The following EXOC2 variants were observed in gnomAD, a reference collection of about 807,000 sequenced individuals.
EXOC2 encodes the protein SEC5-like 1.
Under a neutral mutation model 131.8 loss-of-function variants are expected in EXOC2, and 70 were observed. The ratio of observed to expected loss-of-function variants is 0.53; its 90% confidence interval spans 0.44 to 0.65. The LOEUF (loss-of-function observed/expected upper bound fraction) is 0.65, where lower values mean the gene tolerates loss of function less well. Among genes scored for constraint, EXOC2 ranks in the 30% least tolerant of loss-of-function variants. EXOC2 has a pLI of 0.00. For missense variants in EXOC2, 923 were observed against 1,108.6 expected (o/e 0.83, Z 2.38); for synonymous variants, 411 against 398.4 (o/e 1.03, Z -0.38).
At chr6:596,278 G>A (rs1297815915) in intron 10 of EXOC2, among the ~76,000 whole-genome samples, 7 of 151,894 alleles carry the variant, frequency 4.6e-5, no homozygotes, top group Admixed American at 3.9e-4. Flanking sequence ...CCCGCCGTAC[G>A]CCTCATCACT....
chr6:629,824 A>T lies in EXOC2; in HGVS notation c.422+11T>A, dbSNP rs1761753559. 1 of 1,612,234 alleles carries T rather than the reference A, an allele frequency of 6.2e-7. No homozygotes were observed. The highest frequency in any genetic ancestry group is 8.5e-7 in the Non-Finnish European group (1 of 1,179,432). On this transcript the variant is annotated intron_variant, in intron 4 of 27. Coordinates refer to ENST00000230449, the MANE Select transcript of EXOC2 (RefSeq NM_018303.6). Reference sequence around the variant, plus strand: ...AAAAATAAAGAAGACTGAAAGCAAGATGGTACTCACTTTTCAATCTCAATG... The same window carrying T: ...AAAAATAAAGAAGACTGAAAGCAAGTTGGTACTCACTTTTCAATCTCAATG...
chr6:691,516 T>C (rs1764923014), intron 1 of EXOC2, among the ~76,000 whole-genome samples: 1 of 152,244 alleles, frequency 6.6e-6, no homozygotes, highest in Non-Finnish European at 1.5e-5. Flanking sequence ...AATACATTTG[T>C]TGTGATTTTA....
intron 21 of EXOC2, among the ~76,000 whole-genome samples, chr6:553,494 T>C (rs1027464578): frequency 2.0e-5 from 3 of 151,994 alleles, no homozygotes; most frequent in African/African-American, 7.3e-5. Context: ...AGAACTACTC[T>C]GGTTGAAGAG....
At chr6:491,428 A>G (rs573772630) in intron 25 of EXOC2, among the ~76,000 whole-genome samples, 62 of 152,372 alleles carry the variant, frequency 4.1e-4, no homozygotes, top group African/African-American at 1.4e-3. Context: ...GCAGGGAACT[A>G]GATATCTCAC....
At chr6:604,528 T>C (rs565549033) in intron 7 of EXOC2, among the ~76,000 whole-genome samples, 2 of 152,210 alleles carry the variant, frequency 1.3e-5, no homozygotes, top group Non-Finnish European at 1.5e-5. Flanking sequence ...CCTATCGTTC[T>C]GTTAAACTTC....
At position 598,095 on chromosome 6, in the gene EXOC2, T is replaced by A. The variant is rs35770122; in HGVS notation, c.999A>T (p.Glu333Asp). The A allele has an allele frequency of 1.9e-6, 3 of 1,613,338 alleles. No homozygotes were observed. The highest frequency in any genetic ancestry group is 2.2e-5 in the South Asian group (2 of 90,944). ...KYYAEVETRI[E>D]ALRELLLDKL... ...TATCCAGAAGTAATTCTCTTAAAGC[T>A]TCAATCCTTGTTTCTACTTCAGCAT... Residue 333 changes from glutamate (E) to aspartate (D), a missense_variant, in exon 10 of 28, where the codon GAA becomes GAT. Glu to Asp is a conservative substitution (Grantham distance 45). Transcript: ENST00000230449.
At chr6:525,463 G>A (rs1561815700) in intron 23 of EXOC2, 1 of 152,122 alleles carries the variant, frequency 6.6e-6, no homozygotes, top group Non-Finnish European at 1.5e-5. Flanking sequence ...TAGGACTCCT[G>A]AAAATATCAG....
chr6:508,024 C>T lies in EXOC2; in HGVS notation c.2381-8324G>A, dbSNP rs750167110. The stretch of plus-strand genomic sequence containing the variant: ...TATTGACAGGTTAGTGTATGTTCTT[C>T]CAGATCTTTTCCTATGAATATATTT... On this transcript the variant is annotated intron_variant, in intron 23 of 27. Transcript: ENST00000230449. Among the ~76,000 whole-genome samples, 32 of 152,152 alleles carry T rather than the reference C, an allele frequency of 2.1e-4. 1 individual carries two copies. Among genetic ancestry groups the T allele is most frequent in the Non-Finnish European group, 4.4e-5 (3 of 68,026 alleles).
intron 22 of EXOC2, among the ~76,000 whole-genome samples, chr6:536,978 C>T (rs1766479574): frequency 6.6e-6 from 1 of 152,118 alleles, no homozygotes; most frequent in Admixed American, 6.5e-5. Context: ...TAAAAATGAG[C>T]TGGGGTTAAA....
rs1763802320 is a variant in EXOC2 at position 497,374 on chromosome 6, G to T, written c.2552C>A (p.Ala851Asp). The T allele has an allele frequency of 1.9e-6, 3 of 1,612,980 alleles. No homozygotes were observed. The Admixed American group carries it at 5.0e-5, about 27-fold the overall frequency. Reference sequence around the variant, plus strand: ...ATTGAATGATTTTGTTACCTGTAAAGCTCCATTTTTGCTGAAGGATGAAAC... The same window carrying T: ...ATTGAATGATTTTGTTACCTGTAAATCTCCATTTTTGCTGAAGGATGAAAC... Reference protein sequence around the residue: ...QCVSSFSKNGALQARLEICAL... With the variant: ...QCVSSFSKNGDLQARLEICAL... The change falls in exon 25 of 28, where the codon GCT (alanine) becomes GAT (aspartate). Residue 851 changes from alanine to aspartate, a missense_variant. Coordinates refer to ENST00000230449, the MANE Select transcript of EXOC2 (RefSeq NM_018303.6).
intron 3 of EXOC2, 73 bp downstream of exon 3, chr6:632,868 T>A: frequency 2.1e-5 from 30 of 1,454,812 alleles, no homozygotes; most frequent in Non-Finnish European, 2.7e-5. Flanking sequence ...TACACGAATC[T>A]ACCAGCTTTA....
chr6:589,719 C>T (rs979607954), intron 11 of EXOC2, among the ~76,000 whole-genome samples: 2 of 152,190 alleles, frequency 1.3e-5, no homozygotes, highest in Non-Finnish European at 2.9e-5. Flanking sequence ...ATGAATCGCC[C>T]GGGAGCTTGA....
intron 11 of EXOC2, among the ~76,000 whole-genome samples, chr6:589,877 C>T (rs1161169909): frequency 3.9e-5 from 6 of 152,180 alleles, no homozygotes; most frequent in Admixed American, 6.5e-5. Context: ...GAGGCCGAGG[C>T]GGGTGGATCA....
At chr6:522,433 C>A (rs1438129310) in intron 23 of EXOC2, among the ~76,000 whole-genome samples, 1 of 141,618 alleles carries the variant, frequency 7.1e-6, no homozygotes, top group Non-Finnish European at 1.5e-5. Flanking sequence ...ATGATGGGGA[C>A]AGCAAGGTGT....
chr6:619,349 C>T (rs1677284866), intron 5 of EXOC2, 81 bp downstream of exon 5: 1 of 1,181,950 alleles, frequency 8.5e-7, no homozygotes, highest in African/African-American at 1.5e-5. Flanking sequence ...AGAGCCAGAC[C>T]TAAAACTCGA....
At chr6:633,544 C>T (rs1761956702) in intron 2 of EXOC2, among the ~76,000 whole-genome samples, 1 of 152,216 alleles carries the variant, frequency 6.6e-6, no homozygotes. Context: ...TACATTCACC[C>T]ATCTTCCTGA....
At chr6:603,430 C>A (rs772129992) in intron 7 of EXOC2, among the ~76,000 whole-genome samples, 1 of 152,144 alleles carries the variant, frequency 6.6e-6, no homozygotes, top group Non-Finnish European at 1.5e-5. Flanking sequence ...ATGCCTGACA[C>A]TCTGTGTGGA....
chr6:551,698 T>C (rs79929734), intron 21 of EXOC2, among the ~76,000 whole-genome samples: 2,541 of 152,308 alleles, frequency 0.017, 46 homozygotes, highest in African/African-American at 0.043. Flanking sequence ...GGCCCTCTCC[T>C]GCAGCCCTGT....
At chr6:603,575 G>C (rs1452062117) in intron 7 of EXOC2, among the ~76,000 whole-genome samples, 2 of 152,108 alleles carry the variant, frequency 1.3e-5, no homozygotes, top group Non-Finnish European at 2.9e-5. Flanking sequence ...TTGGAAATTG[G>C]GAAATGCTAA....
Sources: allele counts gnomAD v4.1 joint callset (sites outside exome capture counted in the v4.1 genomes callset), GRCh38; gene constraint gnomAD v4.1.1; transcripts MANE v1.5; gene names NCBI Gene and HGNC (gene_info 2026-07-23, HGNC 2026-07-21).